Variants in PDE4D observed in about 807,000 individuals in gnomAD.
The protein encoded by PDE4D is phosphodiesterase 4D, also known as 3',5'-cyclic-AMP phosphodiesterase 4D.
PDE4D carries 24 observed loss-of-function variants against 87.4 expected under a neutral mutation model. The observed-to-expected ratio is 0.27, with a 90% CI of 0.20 to 0.39. The LOEUF is 0.39. Ranked by LOEUF, PDE4D falls within the 10% of genes least tolerant of loss-of-function variation. The pLI is 1.00. For missense variants in PDE4D, 714 were observed against 1,041.0 expected, an observed-to-expected ratio of 0.69 and a Z score of 4.32; for synonymous variants, 384 against 383.2, an observed-to-expected ratio of 1.00 and a Z score of -0.02.
chr5:59,102,081 C>CT (rs34811771), intron 5 of PDE4D, among the ~76,000 whole-genome samples: 30,591 of 96,368 alleles, frequency 0.32, 5,060 homozygotes, highest in South Asian at 0.46. Flanking sequence ...TTTTTCCCTA[C>CT]TTTTTTTTTT....
chr5:60,008,819 C>A (rs564546452), intron 2 of PDE4D, among the ~76,000 whole-genome samples: 1 of 152,034 alleles, frequency 6.6e-6, no homozygotes, highest in Non-Finnish European at 1.5e-5. Context: ...TTAGTTCCTA[C>A]TTCTCTCTGG....
chr5:60,514,545 A>G (rs1267414691), intron 1 of PDE4D, among the ~76,000 whole-genome samples: 1 of 152,084 alleles, frequency 6.6e-6, no homozygotes, highest in African/African-American at 2.4e-5. Flanking sequence ...CATTCAAAAT[A>G]TCAATTTAAT....
rs188538711 is a variant in PDE4D, at chr5:59,071,862, T to C, written c.809-32891A>G. Among the ~76,000 whole-genome samples, 127 of 151,996 alleles carry C rather than the reference T, an allele frequency of 8.4e-4. 2 individuals are homozygous for C. The highest frequency in any genetic ancestry group is 2.2e-3 in the Admixed American group (33 of 15,272). ...CTACCACGCCCAGCTAATTTTTTTATATTTTTAGTAGAGACGGGGTTTCAC... is the reference window on the plus strand; with the variant it reads ...CTACCACGCCCAGCTAATTTTTTTACATTTTTAGTAGAGACGGGGTTTCAC... On this transcript the variant is annotated intron_variant, in intron 5 of 14. Coordinates refer to ENST00000340635, the MANE Select transcript of PDE4D (RefSeq NM_001104631.2).
chr5:60,353,423 T>C (rs1759359796), intron 1 of PDE4D, among the ~76,000 whole-genome samples: 2 of 152,218 alleles, frequency 1.3e-5, no homozygotes, highest in South Asian at 4.1e-4. Context: ...CCTGGACTTG[T>C]GCCAGTGCTG....
intron 1 of PDE4D, among the ~76,000 whole-genome samples, chr5:59,367,060 T>C (rs777076646): frequency 6.6e-6 from 1 of 152,210 alleles, no homozygotes; most frequent in Non-Finnish European, 1.5e-5. Context: ...TGTTCTCAGG[T>C]GCTCCAAGAG....
chr5:59,019,036 G>A (rs1754593149), intron 6 of PDE4D, among the ~76,000 whole-genome samples: 1 of 149,324 alleles, frequency 6.7e-6, no homozygotes, highest in Admixed American at 6.7e-5. Context: ...TAAATTATAT[G>A]TCTAAAAACT....
At chr5:59,489,118 C>A (rs2153659399) in intron 1 of PDE4D, among the ~76,000 whole-genome samples, 1 of 152,052 alleles carries the variant, frequency 6.6e-6, no homozygotes, top group South Asian at 2.1e-4. Flanking sequence ...AACCCCATCT[C>A]TACTAAAAAT....
At chr5:59,481,618 C>G (rs1361584657) in intron 1 of PDE4D, among the ~76,000 whole-genome samples, 1 of 151,970 alleles carries the variant, frequency 6.6e-6, no homozygotes, top group Non-Finnish European at 1.5e-5. Context: ...TTTTAAAATC[C>G]CGGAACCTGC....
intron 1 of PDE4D, among the ~76,000 whole-genome samples, chr5:59,699,390 T>G (rs868492967): frequency 7.2e-5 from 11 of 152,296 alleles, no homozygotes; most frequent in Middle Eastern, 3.4e-3. Flanking sequence ...TCTGGCCACA[T>G]CTTCCAAAAT....
chr5:59,130,219 G>A (rs1167087134), intron 5 of PDE4D, among the ~76,000 whole-genome samples: 1 of 152,112 alleles, frequency 6.6e-6, no homozygotes. Flanking sequence ...ATGTCAAATA[G>A]CTACAAAACC....
chr5:59,199,539 G>A (rs936513346), intron 2 of PDE4D, among the ~76,000 whole-genome samples: 5 of 152,028 alleles, frequency 3.3e-5, no homozygotes, highest in African/African-American at 1.2e-4. Context: ...ATATTTTAAA[G>A]TCCAAGATTT....
At chr5:60,358,303 T>G (rs1484247315) in intron 1 of PDE4D, among the ~76,000 whole-genome samples, 1 of 152,332 alleles carries the variant, frequency 6.6e-6, no homozygotes, top group Non-Finnish European at 1.5e-5. Flanking sequence ...GGGAATGAGA[T>G]AGAAGCAAAA....
intron 1 of PDE4D, among the ~76,000 whole-genome samples, chr5:59,746,581 C>T (rs1226412354): frequency 6.6e-6 from 1 of 152,146 alleles, no homozygotes; most frequent in Non-Finnish European, 1.5e-5. Context: ...CATTGCTCAT[C>T]ACCAGATGGC....
intron 1 of PDE4D, among the ~76,000 whole-genome samples, chr5:59,374,404 A>G (rs1441500279): frequency 6.6e-6 from 1 of 152,174 alleles, no homozygotes; most frequent in Non-Finnish European, 1.5e-5. Flanking sequence ...AAGACTTTAA[A>G]CCAACAAAGA....
intron 6 of PDE4D, among the ~76,000 whole-genome samples, chr5:59,006,355 A>G (rs1751609185): frequency 6.6e-6 from 1 of 152,204 alleles, no homozygotes; most frequent in African/African-American, 2.4e-5. Context: ...GCTTGAGGCC[A>G]GGAGGTCGAG....
At chr5:59,750,685 C>A (rs1019235752) in intron 1 of PDE4D, among the ~76,000 whole-genome samples, 1 of 152,100 alleles carries the variant, frequency 6.6e-6, no homozygotes, top group East Asian at 1.9e-4. Context: ...CCTATAATCC[C>A]AGCACTTTGG....
At chr5:59,654,923 T>C (rs1744111812) in intron 1 of PDE4D, among the ~76,000 whole-genome samples, 1 of 152,228 alleles carries the variant, frequency 6.6e-6, no homozygotes, top group Non-Finnish European at 1.5e-5. Flanking sequence ...TAATATTCCA[T>C]TGTATGAATA....
rs570675742 is a variant in PDE4D, at chr5:60,348,451, A to T, written c.-90+139491T>A. Reference sequence around the variant, plus strand: ...ATCTACCTCTGAGAACTCAAATTTTAAAAAAAACTCAAGTATGGAAATGGT... The same window carrying T: ...ATCTACCTCTGAGAACTCAAATTTTTAAAAAAACTCAAGTATGGAAATGGT... On this transcript the variant is annotated intron_variant, in intron 1 of 16. Transcript: ENST00000502484. Among the ~76,000 whole-genome samples the T allele has an allele frequency of 1.8e-4, 24 of 132,000 alleles. No individual in the cohort carries two copies. The East Asian group carries it at 2.7e-3, about 15-fold the overall frequency. 86.6% of individuals were successfully genotyped at this position (132,000 alleles called of 152,430 possible).
At chr5:59,891,433 G>A (rs1206742801) in intron 1 of PDE4D, among the ~76,000 whole-genome samples, 1 of 152,110 alleles carries the variant, frequency 6.6e-6, no homozygotes, top group African/African-American at 2.4e-5. Context: ...CAAAGTATCA[G>A]GCTTGCCTTC....
Sources: allele counts gnomAD v4.1 joint callset (sites outside exome capture counted in the v4.1 genomes callset), GRCh38; gene constraint gnomAD v4.1.1; transcripts MANE v1.5; gene names NCBI Gene and HGNC (gene_info 2026-07-23, HGNC 2026-07-21).